The following TSPAN2 variants were observed in gnomAD, a reference collection of about 807,000 sequenced individuals.
TSPAN2 encodes the protein tetraspanin-2.
Under a neutral mutation model 33.3 loss-of-function variants are expected in TSPAN2, and 24 were observed. The observed-to-expected ratio is 0.72, with a 90% CI of 0.52 to 1.01. TSPAN2 has a LOEUF of 1.01. TSPAN2 is among the 50% of genes least tolerant of loss of function. The probability of loss-of-function intolerance (pLI) is 0.00; values close to 1 mark genes in which losing one functional copy is unlikely to be tolerated. For synonymous variants in TSPAN2, 114 were observed against 104.5 expected, an observed-to-expected ratio of 1.09 and a Z score of -0.56; for missense variants, 278 against 281.3, an observed-to-expected ratio of 0.99 and a Z score of 0.08.
Position 115,058,974 on chromosome 1 carries a change from C to A in TSPAN2, c.353G>T (p.Arg118Leu), listed in dbSNP as rs9659602. The A allele has an allele frequency of 2.8e-3, 4,587 of 1,611,862 alleles. 111 individuals carry two copies. The African/African-American group carries it at 0.051, about 18-fold the overall frequency. ...FAFIGKGVAIRHVQTMYEEAY... is the reference protein window; with the variant it reads ...FAFIGKGVAILHVQTMYEEAY... ...CTCTTCATACATGGTCTGAACATGT[C>A]GGATAGCCTGAAGAAATACAAGGAA... is the stretch of plus-strand genomic sequence containing the variant. The change falls in exon 5 of 8, where the codon CGA (arginine) becomes CTA (leucine). Residue 118 changes from arginine to leucine, a missense_variant. Arg to Leu is a moderately radical substitution (Grantham distance 102). Coordinates refer to ENST00000369516, the MANE Select transcript of TSPAN2 (RefSeq NM_005725.6).
chr1:115,082,951 A>T (rs1299476622), intron 1 of TSPAN2, among the ~76,000 whole-genome samples: 1 of 152,228 alleles, frequency 6.6e-6, no homozygotes, highest in Non-Finnish European at 1.5e-5. Flanking sequence ...ATTTCGTGAG[A>T]TTGTTGTGAT....
intron 5 of TSPAN2, chr1:115,058,390 C>T: frequency 5.0e-6 from 1 of 201,514 alleles, no homozygotes; most frequent in South Asian, 9.2e-5. Flanking sequence ...CTGAATGTTC[C>T]AGAAGGGAGT....
At chr1:115,071,076 C>CTT (rs1648153942) in intron 2 of TSPAN2, among the ~76,000 whole-genome samples, 1 of 152,142 alleles carries the variant, frequency 6.6e-6, no homozygotes, top group Non-Finnish European at 1.5e-5. Context: ...GATTCCTCTG[C>CTT]TTTTTCCTTG....
chr1:115,062,068 T>A (rs1557878391), intron 3 of TSPAN2, 67 bp downstream of exon 3: 2 of 1,365,308 alleles, frequency 1.5e-6, no homozygotes, highest in Non-Finnish European at 2.0e-6. Context: ...CCAGAGGCAC[T>A]GACTCCCTTC....
intron 5 of TSPAN2, among the ~76,000 whole-genome samples, 160 bp from the exon 6 acceptor site, chr1:115,057,768 C>T (rs1647494534): frequency 2.0e-5 from 3 of 152,242 alleles, no homozygotes; most frequent in African/African-American, 7.2e-5. Context: ...TGAAGAATCA[C>T]ATAATCATGC....
At chr1:115,083,661 C>T (rs1026931214) in intron 1 of TSPAN2, among the ~76,000 whole-genome samples, 2 of 152,304 alleles carry the variant, frequency 1.3e-5, no homozygotes. Flanking sequence ...GATCTGTACG[C>T]ACGTTAAAGT....
At chr1:115,052,101 C>T (rs576736808) in intron 7 of TSPAN2, among the ~76,000 whole-genome samples, 1 of 152,310 alleles carries the variant, frequency 6.6e-6, no homozygotes, top group East Asian at 1.9e-4. Context: ...CACGCTCAGA[C>T]CTGCCTCAGG....
At chr1:115,058,251 T>C in intron 5 of TSPAN2, 1 of 156,556 alleles carries the variant, frequency 6.4e-6, no homozygotes, top group Non-Finnish European at 1.4e-5. Flanking sequence ...GGCCCAGGAA[T>C]TCACAGCTAC....
intron 1 of TSPAN2, among the ~76,000 whole-genome samples, chr1:115,079,290 A>G (rs1648535806): frequency 6.6e-6 from 1 of 152,212 alleles, no homozygotes; most frequent in Non-Finnish European, 1.5e-5. Context: ...ATTGGAAATG[A>G]TGCTTCAACC....
chr1:115,063,978 C>A (rs1297648418), intron 2 of TSPAN2, among the ~76,000 whole-genome samples: 1 of 152,086 alleles, frequency 6.6e-6, no homozygotes, highest in Non-Finnish European at 1.5e-5. Context: ...CAGTCATACC[C>A]CCAATCTCGG....
intron 7 of TSPAN2, among the ~76,000 whole-genome samples, chr1:115,052,775 G>A (rs1403992195): frequency 2.6e-5 from 4 of 152,138 alleles, no homozygotes; most frequent in Non-Finnish European, 4.4e-5. Flanking sequence ...TTTGTTGAGT[G>A]TTATATGTCC....
intron 3 of TSPAN2, 68 bp downstream of exon 3, chr1:115,062,067 C>T: frequency 7.4e-7 from 1 of 1,358,418 alleles, no homozygotes; most frequent in Non-Finnish European, 1.0e-6. Context: ...GCCAGAGGCA[C>T]TGACTCCCTT....
In TSPAN2 at chr1:115,089,361, C is replaced by T; in HGVS notation, c.69+3G>A. ...GACCGGCCCTCCCGGCTCCTGGTCT[C>T]ACCCAGAAGAGCAGGTTGAAGCCAA... is the stretch of plus-strand genomic sequence containing the variant. On this transcript the variant is annotated splice_donor_region_variant and intron_variant, in intron 1 of 7. Coordinates refer to ENST00000369516, the MANE Select transcript of TSPAN2 (RefSeq NM_005725.6). 6.3e-7 allele frequency: 1 copy of T among 1,583,286 alleles called. No homozygotes were observed. The highest frequency in any genetic ancestry group is 8.6e-7 in the Non-Finnish European group (1 of 1,166,060).
At chr1:115,075,703 C>T (rs1648377545) in intron 1 of TSPAN2, among the ~76,000 whole-genome samples, 1 of 152,142 alleles carries the variant, frequency 6.6e-6, no homozygotes, top group African/African-American at 2.4e-5. Context: ...TGAAGGAAGT[C>T]TTCAAACTCT....
rs532648285 is a variant in TSPAN2 at position 115,070,074 on chromosome 1, G to A, written c.172+2831C>T. ...GAAACACAGACTGAGGTTGCTCCCG[G>A]GGAGGTCTTCCATCTGTAGCGCCAC... On this transcript the variant is annotated intron_variant, in intron 2 of 7. Coordinates refer to ENST00000369516, the MANE Select transcript of TSPAN2 (RefSeq NM_005725.6). Among the ~76,000 whole-genome samples, 3 of 152,264 alleles carry A rather than the reference G, an allele frequency of 2.0e-5. No individual in the cohort carries two copies. The South Asian group carries it at 6.2e-4, about 32-fold the overall frequency.
intron 1 of TSPAN2, among the ~76,000 whole-genome samples, chr1:115,086,471 C>T (rs186837641): frequency 7.7e-4 from 117 of 152,300 alleles, no homozygotes; most frequent in Admixed American, 2.7e-3. Context: ...AGGTTTAGCT[C>T]GAATAGCTCC....
intron 1 of TSPAN2, 139 bp downstream of exon 1, chr1:115,089,225 C>T (rs1047285270): frequency 2.7e-5 from 16 of 593,358 alleles, no homozygotes; most frequent in Non-Finnish European, 3.9e-5. Context: ...TGTTTGCCTT[C>T]TCCTCGCCTC....
At chr1:115,081,679 C>T (rs1648630656) in intron 1 of TSPAN2, among the ~76,000 whole-genome samples, 2 of 152,286 alleles carry the variant, frequency 1.3e-5, no homozygotes, top group South Asian at 4.1e-4. Context: ...AATAATAGTG[C>T]CTCCTAAAGA....
chr1:115,089,144 C>T (rs1212679245), intron 1 of TSPAN2, among the ~76,000 whole-genome samples: 4 of 152,168 alleles, frequency 2.6e-5, no homozygotes, highest in Admixed American at 1.3e-4. Context: ...TGTCTCTCCC[C>T]TTCTCACCAT....
Sources: gnomAD v4.1 joint callset for allele counts (sites outside exome capture counted in the v4.1 genomes callset) on GRCh38, gnomAD v4.1.1 for gene constraint, MANE v1.5 for transcripts, NCBI Gene and HGNC (gene_info 2026-07-23, HGNC 2026-07-21) for gene names.